EVPLL: variants seen among roughly 807,000 people sequenced by gnomAD.
EVPLL encodes envoplakin like, also known as envoplakin-like protein.
EVPLL carries 39 observed loss-of-function variants against 46.2 expected under a neutral mutation model. The ratio of observed to expected loss-of-function variants is 0.84; its 90% CI spans 0.65 to 1.10. EVPLL has a LOEUF of 1.10. Ranked by LOEUF, EVPLL falls within the 50% of genes least tolerant of loss-of-function variation. The probability of loss-of-function intolerance (pLI) is 0.00; values close to 1 mark genes in which losing one functional copy is unlikely to be tolerated. For missense variants in EVPLL, 385 were observed against 412.6 expected, an observed-to-expected ratio of 0.93 and a Z score of 0.58; for synonymous variants, 156 against 165.8, an observed-to-expected ratio of 0.94 and a Z score of 0.46.
rs1004185253 is a variant in EVPLL, at chr17:18,381,249, G to A, written c.64-118G>A. On this transcript the variant is annotated intron_variant, in intron 2 of 10. Coordinates refer to ENST00000399134, the MANE Select transcript of EVPLL (RefSeq NM_001145127.2). This position sits in a 1 kb window ranked among gnomAD's most constrained non-coding sequence, Gnocchi z 4.2. ...GGGCCTGACCCTGTGCCTGGCGTGG[G>A]CCTCGAGGTTGGCCAGCATAGCTGG... The A allele has an allele frequency of 4.2e-6, 6 of 1,432,086 alleles. No homozygotes were observed. The highest frequency in any genetic ancestry group is 5.5e-6 in the Non-Finnish European group (6 of 1,086,804). 88.7% of individuals were successfully genotyped at this position (1,432,086 alleles called of 1,614,324 possible).
chr17:18,386,366 A>G (rs1987763577), intron 9 of EVPLL: 1 of 152,188 alleles, frequency 6.6e-6, no homozygotes, highest in African/African-American at 2.4e-5. Flanking sequence ...ATTCTCAGGC[A>G]CTGGGGCTAA....
intron 1 of EVPLL, 62 bp from the exon 2 acceptor site, chr17:18,380,840 C>T (rs1269258223): frequency 8.5e-6 from 12 of 1,416,396 alleles, no homozygotes; most frequent in Non-Finnish European, 1.2e-5. Context: ...GGGACGCCAC[C>T]TGGATGGGGC....
intron 9 of EVPLL, chr17:18,386,311 C>T (rs1987762229): frequency 6.6e-6 from 1 of 152,160 alleles, no homozygotes; most frequent in Admixed American, 6.5e-5. Flanking sequence ...TCTCATTTTT[C>T]ATTTTAACTT....
chr17:18,383,240 C>T, intron 7 of EVPLL, 31 bp from the exon 8 acceptor site: 5 of 1,554,098 alleles, frequency 3.2e-6, no homozygotes, highest in Non-Finnish European at 4.3e-6. Flanking sequence ...TCCTGGTCCT[C>T]ACCGCCGCTC....
intron 4 of EVPLL, 40 bp from the exon 5 acceptor site, chr17:18,382,472 AC>A: frequency 6.5e-7 from 1 of 1,549,104 alleles, no homozygotes; most frequent in Non-Finnish European, 8.7e-7. Flanking sequence ...CTGGCTCTCC[AC>A]CCTGGTCCTG....
chr17:18,378,121 C>A, intron 1 of EVPLL, 138 bp downstream of exon 1: 1 of 351,738 alleles, frequency 2.8e-6, no homozygotes, highest in Non-Finnish European at 5.0e-6. Context: ...GGACAAAGGG[C>A]CCAGGGGTGG....
chr17:18,386,634 T>A (rs7222949), intron 9 of EVPLL, among the ~76,000 whole-genome samples: 90,362 of 150,822 alleles, frequency 0.6, 27,687 homozygotes, highest in African/African-American at 0.67. Flanking sequence ...ACTGGTGCAG[T>A]TGCTTGCCGG....
intron 9 of EVPLL, 49 bp downstream of exon 9, chr17:18,383,636 C>A: frequency 1.6e-6 from 2 of 1,246,910 alleles, no homozygotes; most frequent in Non-Finnish European, 1.1e-6. Flanking sequence ...GGCGGGAGGT[C>A]CCACAGCACA....
intron 1 of EVPLL, among the ~76,000 whole-genome samples, chr17:18,379,123 G>T (rs1401835907): frequency 6.6e-6 from 1 of 152,154 alleles, no homozygotes; most frequent in Non-Finnish European, 1.5e-5. Context: ...TTTCCAGTGG[G>T]TGTGGTGCAG....
chr17:18,378,890 C>G (rs1460240687), intron 1 of EVPLL, among the ~76,000 whole-genome samples: 2 of 151,920 alleles, frequency 1.3e-5, no homozygotes, highest in African/African-American at 2.4e-5. Context: ...CCAGCCTGGG[C>G]AACATGACGA....
Position 18,377,921 on chromosome 17 carries a change from G to T in EVPLL, c.-99G>T. 8.8e-7 allele frequency: 1 copy of T among 1,132,946 alleles called. No homozygotes were observed. The highest frequency in any genetic ancestry group is 3.1e-5 in the East Asian group (1 of 32,376). 70.2% of individuals were successfully genotyped at this position (1,132,946 alleles called of 1,614,324 possible). A position where few individuals can be genotyped will look rare whatever the true frequency, so the allele number is the denominator to read the frequency against. On this transcript the variant is annotated 5_prime_UTR_variant, in exon 1 of 11. The change creates a new upstream start codon in the 5' untranslated region. Coordinates refer to ENST00000399134, the MANE Select transcript of EVPLL (RefSeq NM_001145127.2). ...GACTGAGCAAAGGCTCCCAGGGGAA[G>T]GGGTCCCCCAAGGACTCCCCAGCCA...
intron 9 of EVPLL, among the ~76,000 whole-genome samples, chr17:18,384,168 T>C (rs1422925393): frequency 6.6e-6 from 1 of 151,666 alleles, no homozygotes; most frequent in East Asian, 2.0e-4. Context: ...ATATCTGTGG[T>C]ATAAATATTT....
chr17:18,388,033 TATATATATAC>T (rs1359669898), intron 9 of EVPLL, 176 bp from the exon 10 acceptor site: 3 of 180,142 alleles, frequency 1.7e-5, no homozygotes, highest in Non-Finnish European at 2.4e-5. Flanking sequence ...TCTCCATATA[TATATATATAC>T]ATATATATGT....
Position 18,381,325 on chromosome 17 carries a change from G to A in EVPLL, c.64-42G>A, listed in dbSNP as rs1310866172. The A allele has an allele frequency of 1.3e-6, 2 of 1,511,308 alleles. No homozygotes were observed. Among genetic ancestry groups the A allele is most frequent in the Non-Finnish European group, 8.9e-7 (1 of 1,125,404 alleles). The allele number at this position is 1,511,308 out of a possible 1,614,324, so 93.6% of individuals were successfully genotyped here. On this transcript the variant is annotated intron_variant, in intron 2 of 10. Transcript: ENST00000399134. The surrounding 1 kb of genome is among the most constrained non-coding windows in gnomAD (Gnocchi z 4.2). ...ACAATGATGGGCAGCAGGGGTGTGG[G>A]GGCTCTGGACCCTGGCAAGTCTGCC...
chr17:18,379,421 T>G (rs1031844350), intron 1 of EVPLL, among the ~76,000 whole-genome samples: 6 of 152,194 alleles, frequency 3.9e-5, no homozygotes, highest in Non-Finnish European at 8.8e-5. Flanking sequence ...ACACTCTCAC[T>G]GAGTGACCTG....
intron 9 of EVPLL, among the ~76,000 whole-genome samples, chr17:18,384,948 G>T (rs747775482): frequency 6.8e-6 from 1 of 146,364 alleles, no homozygotes; most frequent in Non-Finnish European, 1.5e-5. Flanking sequence ...GACAGAGGAG[G>T]CTGAGAGGGA....
chr17:18,386,840 G>A (rs1332741872), intron 9 of EVPLL, among the ~76,000 whole-genome samples: 1 of 151,984 alleles, frequency 6.6e-6, no homozygotes, highest in African/African-American at 2.4e-5. Context: ...GGGTGCCTAG[G>A]CTCAACCCCA....
Position 18,381,132 on chromosome 17 carries a change from G to A in EVPLL, c.63+132G>A, listed in dbSNP as rs778348765. The A allele has an allele frequency of 6.4e-6, 8 of 1,253,514 alleles. No individual in the cohort carries two copies. Among genetic ancestry groups the A allele is most frequent in the Non-Finnish European group, 7.8e-6 (7 of 895,620 alleles). 77.6% of individuals were successfully genotyped at this position (1,253,514 alleles called of 1,614,324 possible). A position where few individuals can be genotyped will look rare whatever the true frequency, so the allele number is the denominator to read the frequency against. On this transcript the variant is annotated intron_variant, in intron 2 of 10. Coordinates refer to ENST00000399134, the MANE Select transcript of EVPLL (RefSeq NM_001145127.2). This position sits in a 1 kb window ranked among gnomAD's most constrained non-coding sequence, Gnocchi z 4.2. ...GGACAGATGACATTTGTCCTGCACCGCCTGTCCCCTAACACACGGTGGGAG... is the reference window on the plus strand; with the variant it reads ...GGACAGATGACATTTGTCCTGCACCACCTGTCCCCTAACACACGGTGGGAG...
intron 10 of EVPLL, 31 bp downstream of exon 10, chr17:18,388,319 AG>A: frequency 3.9e-6 from 4 of 1,024,430 alleles, no homozygotes; most frequent in East Asian, 2.6e-5. Context: ...AAACTAGCAA[AG>A]GGTCTTCTGG....
Sources: gnomAD v4.1 joint callset for allele counts (sites outside exome capture counted in the v4.1 genomes callset) on GRCh38, gnomAD v4.1.1 for gene constraint, Gnocchi (gnomAD v3.1) non-coding constraint, MANE v1.5 for transcripts, NCBI Gene and HGNC (gene_info 2026-07-23, HGNC 2026-07-21) for gene names.